Variants in AP3B1 observed in about 807,000 individuals in gnomAD.
AP3B1 encodes AP-3 complex subunit beta-1.
Under a neutral mutation model 132.5 loss-of-function variants are expected in AP3B1, and 61 were observed. That is an observed-to-expected ratio of 0.46 (90% CI 0.37 to 0.57). AP3B1 has a LOEUF of 0.57. Among genes scored for constraint, AP3B1 ranks in the 20% least tolerant of loss-of-function variants. The probability of loss-of-function intolerance (pLI) is 0.00; values close to 1 mark genes in which losing one functional copy is unlikely to be tolerated. For missense variants in AP3B1, 1,120 were observed against 1,289.4 expected (o/e 0.87, Z 2.01); for synonymous variants, 388 against 438.3 (o/e 0.89, Z 1.43).
intron 22 of AP3B1, among the ~76,000 whole-genome samples, chr5:78,054,002 A>C (rs1360245377): frequency 6.6e-6 from 1 of 152,214 alleles, no homozygotes; most frequent in Non-Finnish European, 1.5e-5. Flanking sequence ...GTAACACCAG[A>C]AAAGTTACTG....
At chr5:78,214,734 C>G (rs909551354) in intron 7 of AP3B1, among the ~76,000 whole-genome samples, 2 of 152,000 alleles carry the variant, frequency 1.3e-5, no homozygotes, top group Admixed American at 6.6e-5. Flanking sequence ...AGAGATGTTC[C>G]TTAATCTAGC....
At chr5:78,020,981 T>G (rs1411117671) in intron 24 of AP3B1, among the ~76,000 whole-genome samples, 192 bp from the exon 25 acceptor site, 3 of 152,104 alleles carry the variant, frequency 2.0e-5, no homozygotes. Context: ...AATACATCTG[T>G]TATCTCAATC....
At chr5:78,184,540 T>G (rs1019927761) in intron 7 of AP3B1, among the ~76,000 whole-genome samples, 1 of 150,930 alleles carries the variant, frequency 6.6e-6, no homozygotes, top group Non-Finnish European at 1.5e-5. Context: ...TACAAAAAAG[T>G]AGCCAGGCAT....
At chr5:78,125,064 A>G (rs1219475504) in intron 17 of AP3B1, among the ~76,000 whole-genome samples, 2 of 152,156 alleles carry the variant, frequency 1.3e-5, no homozygotes, top group Non-Finnish European at 2.9e-5. Flanking sequence ...AAGAAAAGAA[A>G]AGAAGAGAAC....
chr5:78,125,822 AAT>A (rs1752431694), intron 17 of AP3B1, among the ~76,000 whole-genome samples: 1 of 152,216 alleles, frequency 6.6e-6, no homozygotes, highest in Non-Finnish European at 1.5e-5. Context: ...AAACGAACAT[AAT>A]ATGTTATATT....
At chr5:78,013,791 G>T (rs927956589) in intron 26 of AP3B1, among the ~76,000 whole-genome samples, 1 of 152,092 alleles carries the variant, frequency 6.6e-6, no homozygotes, top group Non-Finnish European at 1.5e-5. Context: ...TTTTTGTGGT[G>T]GTCTGTATCA....
intron 1 of AP3B1, among the ~76,000 whole-genome samples, chr5:78,278,625 A>AAAG (rs1561217252): frequency 7.7e-5 from 4 of 52,244 alleles, no homozygotes; most frequent in Admixed American, 2.7e-4. Flanking sequence ...AAAAAAAAAA[A>AAAG]GGGGGGGGGG....
intron 11 of AP3B1, among the ~76,000 whole-genome samples, chr5:78,175,228 A>C (rs1396201356): frequency 6.6e-6 from 1 of 152,200 alleles, no homozygotes; most frequent in African/African-American, 2.4e-5. Context: ...GGCTGCACCC[A>C]CTGTCCAACC....
chr5:78,268,119 G>C (rs1045397683), intron 1 of AP3B1, among the ~76,000 whole-genome samples: 1 of 151,962 alleles, frequency 6.6e-6, no homozygotes, highest in African/African-American at 2.4e-5. Flanking sequence ...AAACAGTAGA[G>C]GTAGTAATAA....
chr5:78,054,667 TG>T (rs1490860909), intron 22 of AP3B1, among the ~76,000 whole-genome samples: 2 of 152,190 alleles, frequency 1.3e-5, no homozygotes, highest in Non-Finnish European at 2.9e-5. Context: ...ATTTCAGAGA[TG>T]GGACTGTGGC....
intron 21 of AP3B1, among the ~76,000 whole-genome samples, chr5:78,091,499 C>A (rs993637901): frequency 1.3e-5 from 2 of 152,108 alleles, no homozygotes; most frequent in East Asian, 1.9e-4. Context: ...ACACTGAAAA[C>A]CCCGGTACAG....
intron 22 of AP3B1, among the ~76,000 whole-genome samples, chr5:78,044,581 T>C (rs918151291): frequency 6.6e-6 from 1 of 152,148 alleles, no homozygotes; most frequent in East Asian, 1.9e-4. Context: ...TATTTGAAAG[T>C]TGGAGAAAGG....
At chr5:78,201,113 G>T (rs1204846627) in intron 7 of AP3B1, among the ~76,000 whole-genome samples, 2 of 152,162 alleles carry the variant, frequency 1.3e-5, no homozygotes, top group African/African-American at 4.8e-5. Context: ...AACACCTTGA[G>T]ATCTTGCACT....
chr5:78,213,517 G>A (rs1263201201), intron 7 of AP3B1, among the ~76,000 whole-genome samples: 1 of 152,150 alleles, frequency 6.6e-6, no homozygotes, highest in Non-Finnish European at 1.5e-5. Context: ...CTTCTGAACT[G>A]AACATATGTA....
intron 1 of AP3B1, among the ~76,000 whole-genome samples, chr5:78,278,619 AAAAAAAGGGGG>A (rs1748895729): frequency 7.5e-6 from 1 of 133,592 alleles, no homozygotes; most frequent in African/African-American, 2.9e-5. Context: ...AAAAAAAAAA[AAAAAAAGGGGG>A]GGGGGGACTA....
At chr5:78,209,751 G>A (rs1300652879) in intron 7 of AP3B1, among the ~76,000 whole-genome samples, 1 of 152,136 alleles carries the variant, frequency 6.6e-6, no homozygotes, top group Non-Finnish European at 1.5e-5. Context: ...AAAGAACTGA[G>A]GAAGCTAATT....
chr5:78,025,409 T>C (rs189529170), intron 24 of AP3B1, among the ~76,000 whole-genome samples: 1 of 152,132 alleles, frequency 6.6e-6, no homozygotes, highest in Admixed American at 6.5e-5. Context: ...GAAATGTCCC[T>C]CCTCGCAACA....
At chr5:78,196,584 A>AT (rs141003184) in intron 7 of AP3B1, among the ~76,000 whole-genome samples, 2,256 of 152,350 alleles carry the variant, frequency 0.015, 58 homozygotes, top group African/African-American at 0.051. Flanking sequence ...CAGCAGCTTT[A>AT]TTCCTCATTG....
chr5:78,089,598 TTTGA>T (rs1750424939), intron 21 of AP3B1, 99 bp from the exon 22 acceptor site: 8 of 794,394 alleles, frequency 1.0e-5, no homozygotes, highest in South Asian at 5.8e-5. Context: ...ATTAAATTAC[TTTGA>T]TTAATAAATG....
Sources: gnomAD v4.1 joint callset for allele counts (sites outside exome capture counted in the v4.1 genomes callset) on GRCh38, gnomAD v4.1.1 for gene constraint, MANE v1.5 for transcripts, NCBI Gene and HGNC (gene_info 2026-07-23, HGNC 2026-07-21) for gene names.